Variants in NLRP5 observed in about 807,000 individuals in gnomAD.
The protein encoded by NLRP5 is NACHT, LRR and PYD domains-containing protein 5.
Under a neutral mutation model 113.1 loss-of-function variants are expected in NLRP5, and 93 were observed. The ratio of observed to expected loss-of-function variants is 0.82; its 90% CI spans 0.70 to 0.98. The LOEUF is 0.98. NLRP5 is among the 50% of genes least tolerant of loss of function. The pLI is 0.00. For missense variants in NLRP5, 1,808 were observed against 1,514.3 expected (o/e 1.19, Z -3.22); for synonymous variants, 751 against 600.7 (o/e 1.25, Z -3.66).
intron 11 of NLRP5, among the ~76,000 whole-genome samples, chr19:56,049,170 T>A (rs1247431050): frequency 1.9e-4 from 5 of 25,962 alleles, no homozygotes; most frequent in Non-Finnish European, 4.9e-4. Context: ...TTTTTTATAT[T>A]TATTTATTTA....
intron 12 of NLRP5, among the ~76,000 whole-genome samples, chr19:56,053,396 C>G (rs1599911848): frequency 1.3e-5 from 2 of 151,582 alleles, no homozygotes; most frequent in Non-Finnish European, 2.9e-5. Context: ...AACTCCATCT[C>G]AAAAAAAATT....
At position 56,032,601 on chromosome 19, in the gene NLRP5, C is replaced by T. The variant is rs759372415; in HGVS notation, c.2277-10C>T. ...CCCATGAGCCCATGTTTCTATCCCC[C>T]CTGACATAGGATGCGGGATAAGACC... On this transcript the variant is annotated splice_polypyrimidine_tract_variant and intron_variant, in intron 7 of 14. Transcript: ENST00000390649. 21 of 1,608,924 alleles carry T rather than the reference C, an allele frequency of 1.3e-5. No individual in the cohort carries two copies. Among genetic ancestry groups the T allele is most frequent in the Non-Finnish European group, 1.8e-5 (21 of 1,176,818 alleles).
At chr19:56,022,272 T>A (rs148326252) in intron 6 of NLRP5, among the ~76,000 whole-genome samples, 20 of 152,278 alleles carry the variant, frequency 1.3e-4, no homozygotes, top group African/African-American at 4.1e-4. Flanking sequence ...CAGGCTGAAG[T>A]ACAGTGGCAC....
chr19:55,993,254 C>G, the NLRP5 span, among the ~76,000 whole-genome samples: 7 of 151,522 alleles, frequency 4.6e-5, no homozygotes, highest in Admixed American at 3.9e-4. Flanking sequence ...GTCCTCCCTT[C>G]TAGCTTTTTG....
intron 3 of NLRP5, among the ~76,000 whole-genome samples, chr19:56,010,576 G>C (rs115842648): frequency 0.039 from 5,672 of 145,806 alleles, 350 homozygotes; most frequent in African/African-American, 0.13. Flanking sequence ...GACACCCCAT[G>C]TCTACTAAAA....
At chr19:56,026,680 G>T (rs928603880) in intron 6 of NLRP5, among the ~76,000 whole-genome samples, 15 of 151,652 alleles carry the variant, frequency 9.9e-5, no homozygotes, top group African/African-American at 3.6e-4. Context: ...CCGGGTTCAA[G>T]CAATTCTCCT....
upstream of NLRP5, among the ~76,000 whole-genome samples, chr19:55,998,728 A>ATATGTGTATATATATATATATG (rs1262553481): frequency 3.1e-5 from 4 of 130,324 alleles, no homozygotes; most frequent in African/African-American, 1.3e-4. Flanking sequence ...ATATATATAT[A>ATATGTGTATATATATATATATG]TGTGTATATA....
upstream of NLRP5, among the ~76,000 whole-genome samples, chr19:55,994,740 G>T (rs1309334683): frequency 6.6e-6 from 1 of 152,180 alleles, no homozygotes; most frequent in Non-Finnish European, 1.5e-5. Context: ...CTGTACAGAA[G>T]CTCTTTAGTT....
intron 6 of NLRP5, among the ~76,000 whole-genome samples, chr19:56,023,363 C>T (rs1040684405): frequency 9.2e-5 from 14 of 152,192 alleles, no homozygotes; most frequent in African/African-American, 3.1e-4. Context: ...CCCGTGGTTT[C>T]AACACGGCTC....
At position 56,061,535 on chromosome 19, in the gene NLRP5, G is replaced by C. The variant is rs370564362; in HGVS notation, c.*7G>C. The C allele has an allele frequency of 6.2e-7, 1 of 1,613,892 alleles. No homozygotes were observed. Among genetic ancestry groups the C allele is most frequent in the South Asian group, 1.1e-5 (1 of 91,060 alleles). On this transcript the variant is annotated 3_prime_UTR_variant, in exon 15 of 15. Coordinates refer to ENST00000390649, the MANE Select transcript of NLRP5 (RefSeq NM_153447.4). Reference sequence around the variant, plus strand: ...GTACTGGTGGAAAAACTGAAGATACGGAAACCTGCCCCACTCACACCCATC... The same window carrying C: ...GTACTGGTGGAAAAACTGAAGATACCGAAACCTGCCCCACTCACACCCATC...
intron 2 of NLRP5, among the ~76,000 whole-genome samples, chr19:56,006,241 CAGGA>C (rs1361157928): frequency 2.6e-5 from 4 of 151,936 alleles, no homozygotes; most frequent in Non-Finnish European, 4.4e-5. Context: ...CGCTTGGACA[CAGGA>C]AGGGGAACAT....
chr19:56,008,057 T>C (rs1982015749), intron 2 of NLRP5, among the ~76,000 whole-genome samples: 1 of 135,558 alleles, frequency 7.4e-6, no homozygotes, highest in East Asian at 2.0e-4. Context: ...GCCTCCCGAG[T>C]AGCTGGGACT....
chr19:56,029,468 G>A (rs1983009653), intron 7 of NLRP5, among the ~76,000 whole-genome samples: 2 of 151,774 alleles, frequency 1.3e-5, no homozygotes. Context: ...GTTTCACCAT[G>A]TTGGCCAGGC....
chr19:56,014,785 T>G (rs183330607), intron 3 of NLRP5, among the ~76,000 whole-genome samples: 29 of 152,322 alleles, frequency 1.9e-4, no homozygotes, highest in Admixed American at 9.8e-4. Context: ...TATCTGACCT[T>G]GTGCCTGAAC....
intron 8 of NLRP5, among the ~76,000 whole-genome samples, chr19:56,033,106 C>T (rs910979316): frequency 6.6e-6 from 1 of 152,030 alleles, no homozygotes; most frequent in African/African-American, 2.4e-5. Context: ...AAAAAATTAG[C>T]AGGGCATGGT....
chr19:56,000,903 G>A (rs1377055635), intron 1 of NLRP5, among the ~76,000 whole-genome samples: 2 of 151,866 alleles, frequency 1.3e-5, no homozygotes, highest in African/African-American at 2.4e-5. Flanking sequence ...CTACTTGGGA[G>A]GCTGAGGCAG....
upstream of NLRP5, among the ~76,000 whole-genome samples, chr19:55,995,696 C>T (rs1279436135): frequency 6.6e-6 from 1 of 152,140 alleles, no homozygotes; most frequent in African/African-American, 2.4e-5. Flanking sequence ...GCCATTTTAA[C>T]AACATTCTTC....
intron 13 of NLRP5, among the ~76,000 whole-genome samples, chr19:56,054,756 GA>G (rs1431923269): frequency 2.6e-5 from 4 of 152,014 alleles, no homozygotes; most frequent in Non-Finnish European, 5.9e-5. Context: ...ATGGGAAGTA[GA>G]AGGGGGGCAG....
intron 13 of NLRP5, among the ~76,000 whole-genome samples, chr19:56,055,669 C>A (rs1238618301): frequency 1.3e-5 from 2 of 150,768 alleles, no homozygotes; most frequent in Non-Finnish European, 3.0e-5. Flanking sequence ...CCTCAGCCTC[C>A]CAAGTAGCTG....
Sources: gnomAD v4.1 joint callset for allele counts (sites outside exome capture counted in the v4.1 genomes callset) on GRCh38, gnomAD v4.1.1 for gene constraint, MANE v1.5 for transcripts, NCBI Gene and HGNC (gene_info 2026-07-23, HGNC 2026-07-21) for gene names.